The following SYT1 variants were observed in gnomAD, a reference collection of about 807,000 sequenced individuals.
SYT1 encodes the protein synaptotagmin 1.
A neutral mutation model predicts 44.8 loss-of-function variants in SYT1; 8 were observed. The ratio of observed to expected loss-of-function variants is 0.18; its 90% CI spans 0.10 to 0.32. The LOEUF (loss-of-function observed/expected upper bound fraction) is 0.32, where lower values mean the gene tolerates loss of function less well. SYT1 is among the 10% of genes least tolerant of loss of function. The pLI is 1.00. For synonymous variants in SYT1, 154 were observed against 188.8 expected (o/e 0.82, Z 1.51); for missense variants, 286 against 509.3 (o/e 0.56, Z 4.22).
chr12:79,324,657 AC>A (rs1188997181), intron 8 of SYT1, among the ~76,000 whole-genome samples: 1 of 152,024 alleles, frequency 6.6e-6, no homozygotes, highest in Non-Finnish European at 1.5e-5. Flanking sequence ...GACCTATAGC[AC>A]CCCTGCGGTG....
chr12:79,353,416 C>A, intron 8 of SYT1, 86 bp from the exon 9 acceptor site: 1 of 1,039,708 alleles, frequency 9.6e-7, no homozygotes, highest in Non-Finnish European at 1.5e-6. Flanking sequence ...CATAATCCTC[C>A]TCTTGAAGAA....
Position 78,914,803 on chromosome 12 carries a change from G to A in SYT1, c.-217+49694G>A, listed in dbSNP as rs138544865. ...TATTTTGTTTTCTATGTATTTTTATGTATTAATTCATGTAATTAAATATGT... is the reference window on the plus strand; with the variant it reads ...TATTTTGTTTTCTATGTATTTTTATATATTAATTCATGTAATTAAATATGT... On this transcript the variant is annotated intron_variant, in intron 1 of 10. Transcript: ENST00000261205. Among the ~76,000 whole-genome samples, 409 of 151,950 alleles carry A rather than the reference G, an allele frequency of 2.7e-3. 3 individuals are homozygous for A. The highest frequency in any genetic ancestry group is 9.1e-3 in the African/African-American group (376 of 41,464).
At chr12:79,295,991 G>A (rs909368995) in intron 6 of SYT1, 78 bp from the exon 7 acceptor site, 36 of 1,431,016 alleles carry the variant, frequency 2.5e-5, no homozygotes, top group Non-Finnish European at 3.3e-5. Flanking sequence ...ATCCCAATAT[G>A]CAGCATTGTG....
At chr12:79,197,007 T>C (rs1383086513) in intron 3 of SYT1, among the ~76,000 whole-genome samples, 1 of 152,184 alleles carries the variant, frequency 6.6e-6, no homozygotes, top group African/African-American at 2.4e-5. Context: ...ATCAGTCAAG[T>C]TGTGTTCATG....
At chr12:79,059,572 T>A (rs1413687929) in intron 3 of SYT1, among the ~76,000 whole-genome samples, 2 of 152,128 alleles carry the variant, frequency 1.3e-5, no homozygotes, top group Non-Finnish European at 2.9e-5. Flanking sequence ...TCAATTTTTT[T>A]ATCATAACTC....
At chr12:79,318,881 G>T (rs1881223659) in intron 8 of SYT1, among the ~76,000 whole-genome samples, 1 of 152,226 alleles carries the variant, frequency 6.6e-6, no homozygotes, top group South Asian at 2.1e-4. Flanking sequence ...TAGGCAGAGA[G>T]TGTGGAATTT....
chr12:79,025,773 C>A (rs1350904169), intron 2 of SYT1, among the ~76,000 whole-genome samples: 1 of 151,530 alleles, frequency 6.6e-6, no homozygotes, highest in Non-Finnish European at 1.5e-5. Context: ...TAAGTGGTAG[C>A]AAGTTATAAA....
intron 4 of SYT1, among the ~76,000 whole-genome samples, chr12:79,251,835 G>C (rs1565876275): frequency 5.9e-5 from 9 of 152,048 alleles, no homozygotes. Context: ...CCATGCTTTG[G>C]AAAAACTGAT....
At chr12:79,426,177 C>T (rs966349437) in intron 9 of SYT1, among the ~76,000 whole-genome samples, 15 of 152,064 alleles carry the variant, frequency 9.9e-5, no homozygotes, top group African/African-American at 3.6e-4. Flanking sequence ...TCTGACTCTG[C>T]CCAACAATTC....
intron 3 of SYT1, among the ~76,000 whole-genome samples, chr12:79,201,302 G>A (rs919393152): frequency 2.0e-5 from 3 of 152,116 alleles, no homozygotes; most frequent in Non-Finnish European, 2.9e-5. Context: ...TAATTTATTT[G>A]GCAGCAGCTA....
At chr12:79,089,497 G>GAAAAAA (rs1317760421) in intron 3 of SYT1, among the ~76,000 whole-genome samples, 1 of 68,926 alleles carries the variant, frequency 1.5e-5, no homozygotes, top group Non-Finnish European at 3.0e-5. Context: ...GAAGTCAACT[G>GAAAAAA]AAAAAAAAAA....
At chr12:79,330,741 C>T (rs76246632) in intron 8 of SYT1, among the ~76,000 whole-genome samples, 9,160 of 152,082 alleles carry the variant, frequency 0.06, 324 homozygotes, top group African/African-American at 0.1. Flanking sequence ...TGTATTAATC[C>T]GTTAAATCCA....
At chr12:78,970,291 TGAATAAATGAACAC>T in intron 1 of SYT1, among the ~76,000 whole-genome samples, 1 of 152,264 alleles carries the variant, frequency 6.6e-6, no homozygotes, top group East Asian at 1.9e-4. Context: ...CTACTTAAAG[TGAATAAATGAACAC>T]AGGACCAAGT....
intron 1 of SYT1, among the ~76,000 whole-genome samples, chr12:78,906,589 G>A (rs11111853): frequency 0.088 from 13,466 of 152,172 alleles, 963 homozygotes; most frequent in African/African-American, 0.19. Context: ...AAATTCATGC[G>A]ACAGCATTCA....
At chr12:79,399,289 ATTTT>A (rs576684760) in intron 9 of SYT1, among the ~76,000 whole-genome samples, 3 of 134,192 alleles carry the variant, frequency 2.2e-5, no homozygotes, top group Admixed American at 1.5e-4. Flanking sequence ...AGTAATTTGA[ATTTT>A]TTTTTTTTTT....
At chr12:79,159,574 TG>T (rs1476052083) in intron 3 of SYT1, among the ~76,000 whole-genome samples, 1 of 152,186 alleles carries the variant, frequency 6.6e-6, no homozygotes, top group Non-Finnish European at 1.5e-5. Context: ...TCTCTCACTG[TG>T]CCTAATTTAT....
chr12:79,366,649 C>T (rs1452160060), intron 9 of SYT1, among the ~76,000 whole-genome samples: 1 of 152,212 alleles, frequency 6.6e-6, no homozygotes, highest in Non-Finnish European at 1.5e-5. Context: ...CCTGGAAAGC[C>T]TGGATCGGAA....
chr12:79,287,994 G>A (rs570859003), intron 5 of SYT1, among the ~76,000 whole-genome samples: 6 of 152,170 alleles, frequency 3.9e-5, no homozygotes, highest in African/African-American at 1.2e-4. Context: ...GTCTACATAG[G>A]ACATTAGCTA....
intron 3 of SYT1, among the ~76,000 whole-genome samples, chr12:79,061,636 A>G (rs1875395886): frequency 6.6e-6 from 1 of 152,140 alleles, no homozygotes; most frequent in Non-Finnish European, 1.5e-5. Flanking sequence ...ATATAATAGT[A>G]TGAAGATTAG....
Sources: allele counts gnomAD v4.1 joint callset (sites outside exome capture counted in the v4.1 genomes callset), GRCh38; gene constraint gnomAD v4.1.1; transcripts MANE v1.5; gene names NCBI Gene and HGNC (gene_info 2026-07-23, HGNC 2026-07-21).